The following IL1RAPL2 variants were observed in gnomAD, a reference collection of about 807,000 sequenced individuals.
IL1RAPL2 encodes interleukin 1 receptor accessory protein like 2.
In IL1RAPL2, 3 loss-of-function variants were observed where a neutral mutation model predicts 44.1. That is an observed-to-expected ratio of 0.07 (90% CI 0.03 to 0.18). IL1RAPL2 has a LOEUF of 0.18. Among genes scored for constraint, IL1RAPL2 ranks in the 10% least tolerant of loss-of-function variants. The pLI, the probability that IL1RAPL2 is intolerant of heterozygous loss-of-function variation, is 1.00. For missense variants in IL1RAPL2, 391 were observed against 496.4 expected, an observed-to-expected ratio of 0.79 and a Z score of 2.02; for synonymous variants, 181 against 178.8, an observed-to-expected ratio of 1.01 and a Z score of -0.10.
chrX:104,804,898 TAA>T (rs1035703044), intron 2 of IL1RAPL2, among the ~76,000 whole-genome samples: 1 of 112,149 alleles, frequency 8.9e-6, no homozygotes, highest in African/African-American at 3.2e-5. Context: ...ACACAGGAGA[TAA>T]ATAGTTCAAG....
chrX:104,974,346 C>CATA (rs2030293589), intron 2 of IL1RAPL2, among the ~76,000 whole-genome samples: 1 of 111,873 alleles, frequency 8.9e-6, no homozygotes, highest in African/African-American at 3.3e-5. Context: ...TTTTAAAAGA[C>CATA]GTAACATTTC....
chrX:105,645,445 C>T lies in IL1RAPL2; in HGVS notation c.773-71922C>T, dbSNP rs210547. Among the ~76,000 whole-genome samples, 881 of 111,955 alleles carry T rather than the reference C, an allele frequency of 7.9e-3. 8 individuals carry two copies. The highest frequency in any genetic ancestry group is 0.066 in the South Asian group (176 of 2,662). ...TAGCAGGGACCATGTCTAATCTTAG[C>T]TACGGGCCAAAAGTCTCAAATGCAA... On this transcript the variant is annotated intron_variant, in intron 6 of 10. Coordinates refer to ENST00000372582, the MANE Select transcript of IL1RAPL2 (RefSeq NM_017416.2).
chrX:105,390,231 A>G (rs2035511110), intron 5 of IL1RAPL2, among the ~76,000 whole-genome samples: 1 of 111,251 alleles, frequency 9.0e-6, no homozygotes, highest in Admixed American at 9.6e-5. Context: ...GTGGGTTTCC[A>G]TTACTATGGA....
At position 105,381,471 on chromosome X, in the gene IL1RAPL2, G is replaced by A. The variant is rs138803869; in HGVS notation, c.698-102842G>A. Among the ~76,000 whole-genome samples the A allele has an allele frequency of 5.4e-3, 598 of 111,524 alleles. 5 individuals carry two copies. Among genetic ancestry groups the A allele is most frequent in the African/African-American group, 0.017 (525 of 30,735 alleles). On this transcript the variant is annotated intron_variant, in intron 5 of 10. Transcript: ENST00000372582. ...TTCATGTGGATAAAGTAAAATGTAC[G>A]TAGGCTTGCTCACACACTAAACAGA...
At chrX:104,897,287 G>T (rs1214222082) in intron 2 of IL1RAPL2, among the ~76,000 whole-genome samples, 1 of 112,061 alleles carries the variant, frequency 8.9e-6, no homozygotes, top group Non-Finnish European at 1.9e-5. Context: ...AGGAATGGCT[G>T]GGGAATAGCT....
chrX:105,506,240 T>C (rs2036430211), intron 6 of IL1RAPL2, among the ~76,000 whole-genome samples: 1 of 111,181 alleles, frequency 9.0e-6, no homozygotes, highest in Non-Finnish European at 1.9e-5. Flanking sequence ...AATGGTGGCT[T>C]AAAAGAACAA....
chrX:105,667,294 T>A (rs922628176), intron 6 of IL1RAPL2, among the ~76,000 whole-genome samples: 1 of 111,961 alleles, frequency 8.9e-6, no homozygotes, highest in Non-Finnish European at 1.9e-5. Context: ...CAGGACCGGG[T>A]AAAGCAGTTA....
chrX:105,430,921 A>C (rs1341328775), intron 5 of IL1RAPL2, among the ~76,000 whole-genome samples: 2 of 111,825 alleles, frequency 1.8e-5, no homozygotes, highest in Non-Finnish European at 3.8e-5. Context: ...TGGCTGCATA[A>C]TTAAAATGTT....
At chrX:104,680,331 CT>C (rs1364966998) in intron 2 of IL1RAPL2, among the ~76,000 whole-genome samples, 1 of 111,620 alleles carries the variant, frequency 9.0e-6, no homozygotes. Flanking sequence ...CACAACCCCC[CT>C]GAAACTGTAT....
chrX:104,813,342 C>T (rs1183885228), intron 2 of IL1RAPL2, among the ~76,000 whole-genome samples: 2 of 111,021 alleles, frequency 1.8e-5, no homozygotes, highest in Non-Finnish European at 3.8e-5. Flanking sequence ...GCATGGTGAA[C>T]AAATAGGAGA....
chrX:105,296,183 C>T (rs1459742166), intron 5 of IL1RAPL2, among the ~76,000 whole-genome samples: 1 of 111,114 alleles, frequency 9.0e-6, no homozygotes, highest in Non-Finnish European at 1.9e-5. Context: ...TATGTTAGCA[C>T]CACAGAGACC....
chrX:105,392,471 C>T (rs2035533281), intron 5 of IL1RAPL2, among the ~76,000 whole-genome samples: 3 of 111,919 alleles, frequency 2.7e-5, no homozygotes, highest in Non-Finnish European at 5.6e-5. Flanking sequence ...GGTATAATCA[C>T]CTGGCACTTC....
intron 2 of IL1RAPL2, among the ~76,000 whole-genome samples, chrX:104,895,138 C>T (rs780590638): frequency 9.7e-4 from 94 of 96,700 alleles, no homozygotes; most frequent in African/African-American, 3.4e-3. Context: ...CCTGATCGTT[C>T]CTCTGGAAGC....
At chrX:105,500,228 T>C (rs2036383905) in intron 6 of IL1RAPL2, among the ~76,000 whole-genome samples, 1 of 111,011 alleles carries the variant, frequency 9.0e-6, no homozygotes, top group South Asian at 3.8e-4. Context: ...TCAGTCATGC[T>C]AGATGAAAAA....
intron 6 of IL1RAPL2, among the ~76,000 whole-genome samples, chrX:105,674,651 C>T (rs898851144): frequency 9.0e-6 from 1 of 111,400 alleles, no homozygotes; most frequent in East Asian, 2.8e-4. Context: ...TATATGGGCT[C>T]TTTTTGGTTC....
chrX:105,659,674 T>TA (rs1337877548), intron 6 of IL1RAPL2, among the ~76,000 whole-genome samples: 7 of 102,392 alleles, frequency 6.8e-5, no homozygotes, highest in African/African-American at 1.1e-4. Flanking sequence ...ATAAATAAAA[T>TA]AAAAAAAAAT....
intron 2 of IL1RAPL2, among the ~76,000 whole-genome samples, chrX:104,974,809 G>A (rs1024920800): frequency 8.9e-6 from 1 of 112,194 alleles, no homozygotes; most frequent in Non-Finnish European, 1.9e-5. Context: ...GCTCTCTGGG[G>A]GCTAGCAGAA....
intron 2 of IL1RAPL2, among the ~76,000 whole-genome samples, chrX:104,892,785 T>A (rs974667189): frequency 6.3e-5 from 7 of 111,920 alleles, no homozygotes; most frequent in African/African-American, 2.3e-4. Flanking sequence ...TTTGTATCTC[T>A]ATCTCCTTCA....
Position 105,512,013 on chromosome X carries a change from A to T in IL1RAPL2, c.772+27626A>T, listed in dbSNP as rs760134864. 2.7e-5 allele frequency among the ~76,000 whole-genome samples: 3 copies of T among 110,996 alleles called. No homozygotes were observed. The East Asian group carries it at 8.6e-4, about 32-fold the overall frequency. On this transcript the variant is annotated intron_variant, in intron 6 of 10. Transcript: ENST00000372582. ...ACTTAAAATACTTTGTGTGATACGAATACTTAACGACTCGAATTTCAAACT... is the reference window on the plus strand; with the variant it reads ...ACTTAAAATACTTTGTGTGATACGATTACTTAACGACTCGAATTTCAAACT...
Sources: gnomAD v4.1 joint callset for allele counts (sites outside exome capture counted in the v4.1 genomes callset) on GRCh38, gnomAD v4.1.1 for gene constraint, MANE v1.5 for transcripts, NCBI Gene and HGNC (gene_info 2026-07-23, HGNC 2026-07-21) for gene names.